DCLK1: variants seen among roughly 807,000 people sequenced by gnomAD.
The protein encoded by DCLK1 is serine/threonine-protein kinase DCLK1.
A neutral mutation model predicts 86.2 loss-of-function variants in DCLK1; 16 were observed. The ratio of observed to expected loss-of-function variants is 0.19; its 90% CI spans 0.13 to 0.28. The LOEUF is 0.28. Ranked by LOEUF, DCLK1 falls within the 10% of genes least tolerant of loss-of-function variation. The pLI, the probability that DCLK1 is intolerant of heterozygous loss-of-function variation, is 1.00. For missense variants in DCLK1, 590 were observed against 940.2 expected (o/e 0.63, Z 4.87); for synonymous variants, 369 against 370.5 (o/e 1.00, Z 0.05).
intron 14 of DCLK1, among the ~76,000 whole-genome samples, chr13:35,807,948 G>A (rs1456064512): frequency 2.0e-5 from 3 of 152,222 alleles, no homozygotes; most frequent in Non-Finnish European, 4.4e-5. Context: ...AGCCTGGCGA[G>A]GGTGGGGCAC....
At chr13:35,805,670 G>A (rs568685445) in intron 15 of DCLK1, 29 bp downstream of exon 15, 1 of 1,596,734 alleles carries the variant, frequency 6.3e-7, no homozygotes, top group East Asian at 2.2e-5. Flanking sequence ...TGTTAGGAGA[G>A]AACAAAGGAA....
chr13:35,839,314 C>T (rs976006100), intron 6 of DCLK1, 138 bp from the exon 7 acceptor site: 35 of 656,388 alleles, frequency 5.3e-5, no homozygotes, highest in African/African-American at 5.1e-4. Flanking sequence ...TGGAAAAAGA[C>T]GCCTTCAGCA....
At chr13:35,800,062 T>A (rs991303364) in intron 15 of DCLK1, among the ~76,000 whole-genome samples, 7 of 152,230 alleles carry the variant, frequency 4.6e-5, no homozygotes, top group African/African-American at 1.7e-4. Context: ...TCTATCTGGA[T>A]CTGTGACACA....
rs941027189 is a variant in DCLK1 at position 35,955,942 on chromosome 13, G to T, written c.724-8485C>A. On this transcript the variant is annotated intron_variant, in intron 3 of 16. Transcript: ENST00000360631. ...ATACTAAACTTAAATATCTGGGAAA[G>T]AGAGGTATGAAGAATAGAGTTTACT... 3.3e-5 allele frequency among the ~76,000 whole-genome samples: 5 copies of T among 152,164 alleles called. 1 individual carries two copies. Among genetic ancestry groups the T allele is most frequent in the Non-Finnish European group, 7.4e-5 (5 of 68,020 alleles).
intron 3 of DCLK1, among the ~76,000 whole-genome samples, chr13:35,950,266 A>C (rs867381603): frequency 6.6e-6 from 1 of 152,234 alleles, no homozygotes; most frequent in South Asian, 2.1e-4. Flanking sequence ...TGTGCACTTC[A>C]ATGCACTTCA....
intron 11 of DCLK1, among the ~76,000 whole-genome samples, chr13:35,812,713 C>T (rs1445837985): frequency 6.6e-6 from 1 of 152,220 alleles, no homozygotes; most frequent in Non-Finnish European, 1.5e-5. Context: ...TCTCCACACT[C>T]ATAGCATGGA....
At chr13:35,784,279 G>A (rs2086581113) in intron 16 of DCLK1, among the ~76,000 whole-genome samples, 2 of 152,096 alleles carry the variant, frequency 1.3e-5, no homozygotes, top group African/African-American at 2.4e-5. Flanking sequence ...ATTAAGACTT[G>A]GAATGCCATG....
At chr13:36,000,262 CT>C (rs1377919222) in intron 3 of DCLK1, among the ~76,000 whole-genome samples, 3 of 152,144 alleles carry the variant, frequency 2.0e-5, no homozygotes, top group African/African-American at 7.2e-5. Context: ...TTTTTTCCCC[CT>C]GTGAGTTCTA....
intron 3 of DCLK1, among the ~76,000 whole-genome samples, chr13:36,081,586 T>G (rs1566673479): frequency 1.3e-5 from 2 of 152,176 alleles, no homozygotes; most frequent in Non-Finnish European, 2.9e-5. Context: ...GAAATGGCAT[T>G]CTTGGAAAGT....
At chr13:35,804,429 C>T (rs567699071) in intron 15 of DCLK1, among the ~76,000 whole-genome samples, 1 of 151,890 alleles carries the variant, frequency 6.6e-6, no homozygotes, top group African/African-American at 2.4e-5. Context: ...TCACTGTGCC[C>T]AGCCTACTAT....
chr13:35,985,615 T>C (rs1044967592), intron 3 of DCLK1, among the ~76,000 whole-genome samples: 2 of 152,174 alleles, frequency 1.3e-5, no homozygotes, highest in African/African-American at 4.8e-5. Flanking sequence ...GGTAACCTGA[T>C]GTCATCTCAT....
intron 3 of DCLK1, among the ~76,000 whole-genome samples, chr13:36,032,010 CCATT>C (rs1882298328): frequency 6.6e-6 from 1 of 152,232 alleles, no homozygotes; most frequent in Non-Finnish European, 1.5e-5. Context: ...CCCTTTTAAA[CCATT>C]CATTAATCTT....
At chr13:35,825,255 G>C (rs1262922850) in intron 10 of DCLK1, among the ~76,000 whole-genome samples, 1 of 152,178 alleles carries the variant, frequency 6.6e-6, no homozygotes, top group East Asian at 1.9e-4. Flanking sequence ...AGTCTTTCAA[G>C]TCAAGCCTGG....
chr13:35,823,927 G>A (rs1257166128), intron 10 of DCLK1, among the ~76,000 whole-genome samples: 2 of 152,148 alleles, frequency 1.3e-5, no homozygotes, highest in Non-Finnish European at 2.9e-5. Flanking sequence ...AAGCTGCAAC[G>A]GTTCTCAAGC....
At chr13:35,927,848 C>T (rs1359851730) in intron 4 of DCLK1, among the ~76,000 whole-genome samples, 3 of 152,162 alleles carry the variant, frequency 2.0e-5, no homozygotes, top group Non-Finnish European at 4.4e-5. Flanking sequence ...CGTAATCACC[C>T]ATGCCTACAT....
At chr13:35,985,214 C>T (rs979807393) in intron 3 of DCLK1, among the ~76,000 whole-genome samples, 37 of 152,150 alleles carry the variant, frequency 2.4e-4, no homozygotes, top group African/African-American at 8.7e-4. Flanking sequence ...ACTGTTGTTT[C>T]TAACAGAGGT....
chr13:35,899,391 A>T (rs957133834), intron 4 of DCLK1, among the ~76,000 whole-genome samples: 2 of 141,390 alleles, frequency 1.4e-5, no homozygotes, highest in African/African-American at 5.2e-5. Flanking sequence ...GAGAGAGAGA[A>T]AGAAGACAAT....
chr13:36,001,008 A>T (rs1277106888), intron 3 of DCLK1, among the ~76,000 whole-genome samples: 1 of 150,816 alleles, frequency 6.6e-6, no homozygotes, highest in Non-Finnish European at 1.5e-5. Flanking sequence ...GGGTGTAATG[A>T]CGTGGTCTCA....
intron 3 of DCLK1, among the ~76,000 whole-genome samples, chr13:36,073,811 C>T (rs139967364): frequency 2.2e-3 from 335 of 152,280 alleles, no homozygotes; most frequent in African/African-American, 7.4e-3. Flanking sequence ...CCTCCTCGTG[C>T]AGCATACATC....
Sources: allele counts gnomAD v4.1 joint callset (sites outside exome capture counted in the v4.1 genomes callset), GRCh38; gene constraint gnomAD v4.1.1; transcripts MANE v1.5; gene names NCBI Gene and HGNC (gene_info 2026-07-23, HGNC 2026-07-21).